Variants in ANXA5 observed in about 807,000 individuals in gnomAD.
ANXA5 encodes the protein CBP-I.
In ANXA5, 40 loss-of-function variants were observed where a neutral mutation model predicts 48.1. That is an observed-to-expected ratio of 0.83 (90% CI 0.65 to 1.08). The LOEUF is 1.08. Ranked by LOEUF, ANXA5 falls within the 50% of genes least tolerant of loss-of-function variation. The probability of loss-of-function intolerance (pLI) is 0.00; values close to 1 mark genes in which losing one functional copy is unlikely to be tolerated. For missense variants in ANXA5, 357 were observed against 376.8 expected (o/e 0.95, Z 0.44); for synonymous variants, 113 against 129.1 (o/e 0.88, Z 0.85).
Position 121,692,663 on chromosome 4 carries a change from G to C in ANXA5, c.9+3918C>G, listed in dbSNP as rs550139099. Among the ~76,000 whole-genome samples the C allele has an allele frequency of 6.6e-5, 10 of 152,270 alleles. No individual in the cohort carries two copies. The East Asian group carries it at 1.9e-3, about 29-fold the overall frequency. ...ATTTATTTGCTGTTGTTACCTCTCT[G>C]TATGATGGCTTCCCTCCTTTGTCCC... On this transcript the variant is annotated intron_variant, in intron 2 of 12. Transcript: ENST00000296511.
At chr4:121,678,018 A>G (rs1436187647) in intron 7 of ANXA5, 68 bp from the exon 8 acceptor site, 1 of 1,199,332 alleles carries the variant, frequency 8.3e-7, no homozygotes, top group African/African-American at 1.5e-5. Context: ...AAATGGTTCC[A>G]CCTGATGGTT....
chr4:121,687,999 A>G (rs1045103924), intron 2 of ANXA5, among the ~76,000 whole-genome samples: 3 of 152,148 alleles, frequency 2.0e-5, no homozygotes, highest in African/African-American at 7.2e-5. Context: ...ACCCCACCAC[A>G]TGACGGTAAA....
rs939237679 is a variant in ANXA5 at position 121,684,022 on chromosome 4, A to C, written c.190-545T>G. On this transcript the variant is annotated intron_variant, in intron 4 of 12. Coordinates refer to ENST00000296511, the MANE Select transcript of ANXA5 (RefSeq NM_001154.4). ...AAATTATGTAATTGTGAAAAAAAAAACACAGTATTTCCTACCTATAAGTTT... is the reference window on the plus strand; with the variant it reads ...AAATTATGTAATTGTGAAAAAAAAACCACAGTATTTCCTACCTATAAGTTT... 4.6e-5 allele frequency among the ~76,000 whole-genome samples: 7 copies of C among 152,160 alleles called. 1 individual carries two copies. Among genetic ancestry groups the C allele is most frequent in the East Asian group, 1.9e-4 (1 of 5,178 alleles).
In ANXA5 at chr4:121,693,876, A is replaced by T. The variant is rs74475245; in HGVS notation, c.9+2705T>A. Among the ~76,000 whole-genome samples the T allele has an allele frequency of 6.9e-3, 1,045 of 152,368 alleles. 12 individuals are homozygous for T. Among genetic ancestry groups the T allele is most frequent in the South Asian group, 0.024 (115 of 4,828 alleles). On this transcript the variant is annotated intron_variant, in intron 2 of 12. Coordinates refer to ENST00000296511, the MANE Select transcript of ANXA5 (RefSeq NM_001154.4). ...GAAAAGATGCAATCAATATCCAGTC[A>T]GCTCCTCTGGAAGGAGTTTCATCTC...
chr4:121,685,462 C>T (rs1724870048), intron 3 of ANXA5, among the ~76,000 whole-genome samples: 2 of 152,038 alleles, frequency 1.3e-5, no homozygotes, highest in Admixed American at 6.6e-5. Flanking sequence ...GGAAGGACAG[C>T]GTTTAGAATG....
At position 121,669,701 on chromosome 4, in the gene ANXA5, G is replaced by T; in HGVS notation, c.804C>A (p.Thr268=). 1 of 1,611,898 alleles carries T rather than the reference G, an allele frequency of 6.2e-7. No homozygotes were observed. The highest frequency in any genetic ancestry group is 8.5e-7 in the Non-Finnish European group (1 of 1,179,360). Residue 268 remains threonine (T), a synonymous_variant, in exon 12 of 13, where the codon ACC becomes ACA. Coordinates refer to ENST00000296511, the MANE Select transcript of ANXA5 (RefSeq NM_001154.4). ...AMKGAGTDDH[T]LIRVMVSRSE... is the part of the protein sequence containing the mutation. The stretch of plus-strand genomic sequence containing the variant: ...TCCTGGAAACCATGACTCTGATGAG[G>T]GTATGATCATCTGTCCCAGCTCCCT...
At chr4:121,691,921 G>A (rs571894619) in intron 2 of ANXA5, among the ~76,000 whole-genome samples, 3 of 152,244 alleles carry the variant, frequency 2.0e-5, no homozygotes, top group East Asian at 1.9e-4. Context: ...ATAATTATCA[G>A]GGAAAAAATT....
At chr4:121,673,191 A>G (rs1724640131) in intron 8 of ANXA5, among the ~76,000 whole-genome samples, 1 of 152,234 alleles carries the variant, frequency 6.6e-6, no homozygotes, top group Non-Finnish European at 1.5e-5. Context: ...TGCCTGGCAT[A>G]TAGAAGCACT....
Position 121,671,261 on chromosome 4 carries a change from C to T in ANXA5, c.721+286G>A, listed in dbSNP as rs144174020. ...TTACAAGCCTCTGAGATAATGTCCA[C>T]GACATTTCAGGTTTATCAATAAATA... is the stretch of plus-strand genomic sequence containing the variant. On this transcript the variant is annotated intron_variant, in intron 10 of 12. Transcript: ENST00000296511. Among the ~76,000 whole-genome samples the T allele has an allele frequency of 1.1e-3, 171 of 152,170 alleles. 2 individuals are homozygous for T. Among genetic ancestry groups the T allele is most frequent in the African/African-American group, 3.7e-3 (152 of 41,530 alleles).
chr4:121,672,646 A>C lies in ANXA5; in HGVS notation c.532-20T>G. On this transcript the variant is annotated intron_variant, in intron 8 of 12. Transcript: ENST00000296511. Reference sequence around the variant, plus strand: ...TAAAGCCTGCAAAAATTTCAAACTCAATTAATAAATTGTTCCTCCATCTCA... The same window carrying C: ...TAAAGCCTGCAAAAATTTCAAACTCCATTAATAAATTGTTCCTCCATCTCA... The C allele has an allele frequency of 1.3e-6, 2 of 1,571,002 alleles. No homozygotes were observed. The highest frequency in any genetic ancestry group is 1.8e-6 in the Non-Finnish European group (2 of 1,141,858).
At chr4:121,680,434 T>C (rs1724771702) in intron 6 of ANXA5, among the ~76,000 whole-genome samples, 1 of 152,266 alleles carries the variant, frequency 6.6e-6, no homozygotes, top group Admixed American at 6.5e-5. Context: ...CATTATTGCA[T>C]TTAACATCAT....
chr4:121,675,346 C>T (rs768255056), intron 8 of ANXA5, among the ~76,000 whole-genome samples: 2 of 152,058 alleles, frequency 1.3e-5, no homozygotes, highest in Non-Finnish European at 2.9e-5. Flanking sequence ...ATAAAAGAGC[C>T]CTTTAGCTGT....
intron 9 of ANXA5, among the ~76,000 whole-genome samples, chr4:121,672,249 T>A (rs1724625129): frequency 1.3e-5 from 2 of 152,202 alleles, no homozygotes; most frequent in Non-Finnish European, 2.9e-5. Flanking sequence ...ATACGTGTAG[T>A]GAGCCACTAT....
chr4:121,693,025 G>A (rs1232671156), intron 2 of ANXA5, among the ~76,000 whole-genome samples: 1 of 152,222 alleles, frequency 6.6e-6, no homozygotes, highest in African/African-American at 2.4e-5. Flanking sequence ...CTTGAGGTTA[G>A]GAGTTCGAGA....
At chr4:121,671,790 C>T in intron 9 of ANXA5, 148 bp from the exon 10 acceptor site, 1 of 626,026 alleles carries the variant, frequency 1.6e-6, no homozygotes, top group Non-Finnish European at 2.8e-6. Flanking sequence ...CCTCAATGTG[C>T]CAAGCCCTAA....
chr4:121,694,851 T>C (rs114137012), intron 2 of ANXA5, among the ~76,000 whole-genome samples: 1,873 of 152,344 alleles, frequency 0.012, 46 homozygotes, highest in South Asian at 0.07. Context: ...TATATTGTCA[T>C]AGGGCTCAGG....
Position 121,672,513 on chromosome 4 carries a change from T to C in ANXA5, c.625+20A>G, listed in dbSNP as rs370660162. The C allele has an allele frequency of 1.3e-5, 21 of 1,585,692 alleles. No homozygotes were observed. The South Asian group carries it at 1.8e-4, about 13-fold the overall frequency. ...CAAATTTACCAATGTATCTGCCCCA[T>C]ACAGATTTTTTTCACTCACCCTTTC... On this transcript the variant is annotated intron_variant, in intron 9 of 12. Coordinates refer to ENST00000296511, the MANE Select transcript of ANXA5 (RefSeq NM_001154.4).
At position 121,693,923 on chromosome 4, in the gene ANXA5, T is replaced by C. The variant is rs182197389; in HGVS notation, c.9+2658A>G. On this transcript the variant is annotated intron_variant, in intron 2 of 12. Transcript: ENST00000296511. ...TCTCAAATTTATTTATTTACATTTA[T>C]CCTGCTTGCTCGGCACAGGGCTTTT... is the stretch of plus-strand genomic sequence containing the variant. Among the ~76,000 whole-genome samples, 1,372 of 152,356 alleles carry C rather than the reference T, an allele frequency of 9.0e-3. 5 individuals are homozygous for C. Among genetic ancestry groups the C allele is most frequent in the Middle Eastern group, 0.024 (7 of 294 alleles).
At chr4:121,676,874 G>C (rs1037915518) in intron 8 of ANXA5, among the ~76,000 whole-genome samples, 1 of 152,058 alleles carries the variant, frequency 6.6e-6, no homozygotes, top group Non-Finnish European at 1.5e-5. Context: ...TCAGGAACCC[G>C]GACTTTATCC....
Sources: allele counts gnomAD v4.1 joint callset (sites outside exome capture counted in the v4.1 genomes callset), GRCh38; gene constraint gnomAD v4.1.1; transcripts MANE v1.5; gene names NCBI Gene and HGNC (gene_info 2026-07-23, HGNC 2026-07-21).